EEIG1: variants seen among roughly 807,000 people sequenced by gnomAD.
The protein encoded by EEIG1 is estrogen-induced osteoclastogenesis regulator 1.
chr9:127,980,111 TTTC>T, the EEIG1 span: 9 of 1,613,242 alleles, frequency 5.6e-6, no homozygotes, highest in South Asian at 2.2e-5. Flanking sequence ...GGAATTTGAA[TTTC>T]TTCTTCTTCA....
At chr9:127,964,814 C>T in the EEIG1 span, among the ~76,000 whole-genome samples, 4 of 151,938 alleles carry the variant, frequency 2.6e-5, no homozygotes, top group Non-Finnish European at 5.9e-5. Context: ...TAAAAATATC[C>T]CTGGCAGCCA....
chr9:127,954,900 T>C, the EEIG1 span, among the ~76,000 whole-genome samples: 1 of 152,198 alleles, frequency 6.6e-6, no homozygotes, highest in Non-Finnish European at 1.5e-5. Flanking sequence ...CTTTGTGCCC[T>C]GGGAGTGAGT....
the EEIG1 span, chr9:127,953,951 C>G: frequency 6.8e-6 from 11 of 1,612,486 alleles, 1 homozygote; most frequent in South Asian, 1.2e-4. Context: ...GACAGGTGAG[C>G]ACAGGCACAC....
At chr9:127,965,664 C>CA in the EEIG1 span, among the ~76,000 whole-genome samples, 2,109 of 152,330 alleles carry the variant, frequency 0.014, 36 homozygotes, top group African/African-American at 0.048. Flanking sequence ...GTGATGCAAT[C>CA]AGAGTTCCCG....
At chr9:127,947,265 A>C in the EEIG1 span, among the ~76,000 whole-genome samples, 3 of 5,444 alleles carry the variant, frequency 5.5e-4, no homozygotes, top group Non-Finnish European at 2.8e-3. Context: ...TAAAAATACA[A>C]AAAAAAAAAA....
chr9:127,980,241 T>A, the EEIG1 span: 1 of 1,305,204 alleles, frequency 7.7e-7, no homozygotes. Context: ...CAGAGCCGGA[T>A]CCCGCCCTGA....
the EEIG1 span, among the ~76,000 whole-genome samples, chr9:127,957,363 G>A: frequency 2.0e-5 from 3 of 150,276 alleles, no homozygotes; most frequent in South Asian, 2.1e-4. Context: ...GCAATTCCAC[G>A]TACAATAGCA....
chr9:127,943,178 C>T, the EEIG1 span: 75 of 1,613,826 alleles, frequency 4.6e-5, no homozygotes, highest in African/African-American at 3.5e-4. Flanking sequence ...TTCTCCAGCC[C>T]GGACACCTGC....
At chr9:127,970,467 T>A in the EEIG1 span, among the ~76,000 whole-genome samples, 1 of 152,156 alleles carries the variant, frequency 6.6e-6, no homozygotes, top group Non-Finnish European at 1.5e-5. Context: ...ACGTTGTTTG[T>A]CAGACTGCTT....
chr9:127,942,966 G>A, the EEIG1 span: 3 of 589,110 alleles, frequency 5.1e-6, no homozygotes, highest in Non-Finnish European at 9.2e-6. Context: ...GTGGTTCAGA[G>A]GAGAATATTC....
At chr9:127,955,230 C>A in the EEIG1 span, among the ~76,000 whole-genome samples, 46 of 152,326 alleles carry the variant, frequency 3.0e-4, no homozygotes, top group Admixed American at 2.9e-3. Flanking sequence ...GGGCCGCAGC[C>A]AAGCCTCCCC....
the EEIG1 span, chr9:127,953,534 C>A: frequency 6.9e-4 from 1,103 of 1,599,784 alleles, 10 homozygotes; most frequent in African/African-American, 0.013. Flanking sequence ...CCATGCCACC[C>A]CCCATTCCAT....
At chr9:127,950,695 C>T in the EEIG1 span, 2 of 1,418,910 alleles carry the variant, frequency 1.4e-6, no homozygotes, top group South Asian at 3.0e-5. Flanking sequence ...TAACTGGGAC[C>T]CAAGGACAGA....
the EEIG1 span, chr9:127,953,713 C>A: frequency 6.2e-7 from 1 of 1,605,784 alleles, no homozygotes; most frequent in Non-Finnish European, 8.5e-7. Context: ...ACGGGCAGAG[C>A]AACTCACCCC....
chr9:127,976,436 A>T, the EEIG1 span, among the ~76,000 whole-genome samples: 1 of 152,220 alleles, frequency 6.6e-6, no homozygotes, highest in South Asian at 2.1e-4. The surrounding 1 kb of genome is among the most constrained non-coding windows in gnomAD (Gnocchi z 4.1). Context: ...ATAGAACGAT[A>T]AAAGTGTTAA....
the EEIG1 span, among the ~76,000 whole-genome samples, chr9:127,947,351 G>A: frequency 6.6e-6 from 1 of 151,942 alleles, no homozygotes; most frequent in African/African-American, 2.4e-5. Flanking sequence ...CAGGAGAAAT[G>A]CTTGAACCTG....
chr9:127,965,448 G>A, the EEIG1 span, among the ~76,000 whole-genome samples: 2 of 152,176 alleles, frequency 1.3e-5, no homozygotes, highest in African/African-American at 2.4e-5. Context: ...AGACAGTAGC[G>A]CTCTGACAGG....
chr9:127,962,188 A>AT, the EEIG1 span, among the ~76,000 whole-genome samples: 4 of 152,122 alleles, frequency 2.6e-5, no homozygotes, highest in Non-Finnish European at 4.4e-5. Flanking sequence ...TTTTTATTTA[A>AT]TTTTTTAAAG....
chr9:127,966,126 C>A, the EEIG1 span, among the ~76,000 whole-genome samples: 1 of 152,296 alleles, frequency 6.6e-6, no homozygotes, highest in South Asian at 2.1e-4. Flanking sequence ...GGACAGCCCA[C>A]TGGGGCTTCA....
Sources: gnomAD v4.1 joint callset for allele counts (sites outside exome capture counted in the v4.1 genomes callset) on GRCh38, gnomAD v4.1.1 for gene constraint, Gnocchi (gnomAD v3.1) non-coding constraint, MANE v1.5 for transcripts, NCBI Gene and HGNC (gene_info 2026-07-23, HGNC 2026-07-21) for gene names.